The following WDCP variants were observed in gnomAD, a reference collection of about 807,000 sequenced individuals.
WDCP encodes the protein WD repeat and coiled coil containing, also known as WD repeat and coiled-coil-containing protein.
In WDCP, 19 loss-of-function variants were observed where a neutral mutation model predicts 41.6. That is an observed-to-expected ratio of 0.46 (90% CI 0.32 to 0.67). The LOEUF is 0.67. Ranked by LOEUF, WDCP falls within the 30% of genes least tolerant of loss-of-function variation. The pLI, the probability that WDCP is intolerant of heterozygous loss-of-function variation, is 0.04. For missense variants in WDCP, 802 were observed against 850.7 expected (o/e 0.94, Z 0.71); for synonymous variants, 302 against 320.8 (o/e 0.94, Z 0.63).
intron 1 of WDCP, among the ~76,000 whole-genome samples, chr2:24,045,269 A>T (rs1663575536): frequency 6.6e-6 from 1 of 152,114 alleles, no homozygotes; most frequent in South Asian, 2.1e-4. Context: ...AGCTTGAGAA[A>T]CTGCTGAACC....
chr2:24,037,649 A>G lies in WDCP; in HGVS notation c.1818+28T>C, dbSNP rs1284592869. ...ACCGGCTGCAGGAGCTTTTATGTAT[A>G]GTGGTAGTTCCTCAAAGGAGAATTT... is the stretch of plus-strand genomic sequence containing the variant. On this transcript the variant is annotated intron_variant, in intron 2 of 3. Coordinates refer to ENST00000295148, the MANE Select transcript of WDCP (RefSeq NM_025203.3). 3 of 1,577,502 alleles carry G rather than the reference A, an allele frequency of 1.9e-6. No homozygotes were observed. In the African/African-American group the frequency reaches 4.1e-5, roughly 21 times the overall value.
In WDCP at chr2:24,032,894, T is replaced by A; in HGVS notation, c.1871A>T (p.Asp624Val). 3 of 1,613,978 alleles carry A rather than the reference T, an allele frequency of 1.9e-6. No homozygotes were observed. The highest frequency in any genetic ancestry group is 2.5e-6 in the Non-Finnish European group (3 of 1,179,882). ...AACTGTACTGAGCCTTAGTTTACCA[T>A]CACAGAGAAGCACCGCTCTTTTTTC... Reference protein sequence around the residue: ...VVEKRAVLLCDGKLRLSTVQQ... With the variant: ...VVEKRAVLLCVGKLRLSTVQQ... Residue 624 changes from aspartate to valine, a missense_variant, in exon 3 of 4, where the codon GAT becomes GTT. Physicochemically the swap from Asp to Val is radical, Grantham distance 152. This residue lies in a region of WDCP where 321 missense variants were observed against 305.1 expected (regional missense o/e 1.05). Transcript: ENST00000295148.
chr2:24,033,227 T>C (rs1454854241), intron 2 of WDCP: 4 of 530,292 alleles, frequency 7.5e-6, no homozygotes, highest in Admixed American at 4.6e-5. Context: ...AAAAGGATGA[T>C]GGACAGCAGC....
At position 24,031,123 on chromosome 2, in the gene WDCP, A is replaced by T; in HGVS notation, c.1976T>A (p.Phe659Tyr). 1 of 1,614,168 alleles carries T rather than the reference A, an allele frequency of 6.2e-7. No individual in the cohort carries two copies. The highest frequency in any genetic ancestry group is 8.5e-7 in the Non-Finnish European group (1 of 1,180,012). The change falls in exon 4 of 4, where the codon TTT (phenylalanine) becomes TAT (tyrosine). Residue 659 changes from phenylalanine (F) to tyrosine (Y), a missense_variant. Phe to Tyr is a conservative substitution (Grantham distance 22, BLOSUM62 3). Coordinates refer to ENST00000295148, the MANE Select transcript of WDCP (RefSeq NM_025203.3). ...TGTGGCTGTGAAGGTTAACGGGATA[A>T]AGCCCTCACTGTCAGCAGAGAGAAG... ...WILLSADSEGFIPLTFTATQE... is the reference protein window; with the variant it reads ...WILLSADSEGYIPLTFTATQE...
chr2:24,038,499 T>C lies in WDCP; in HGVS notation c.996A>G (p.Arg332=). The change falls in exon 2 of 4, where the codon AGA becomes AGG. Residue 332 remains arginine (R), a synonymous_variant. Coordinates refer to ENST00000295148, the MANE Select transcript of WDCP (RefSeq NM_025203.3). ...VTFKKAVTMT[R]KVTIPGILVP... is the part of the protein sequence containing the mutation. Reference sequence around the variant, plus strand: ...CCAGAATGCCTGGAATAGTGACTTTTCTCGTCATGGTAACTGCCTTCTTAA... The same window carrying C: ...CCAGAATGCCTGGAATAGTGACTTTCCTCGTCATGGTAACTGCCTTCTTAA... The C allele has an allele frequency of 6.2e-7, 1 of 1,614,258 alleles. No individual in the cohort carries two copies. The highest frequency in any genetic ancestry group is 8.5e-7 in the Non-Finnish European group (1 of 1,180,056).
chr2:24,034,803 G>A (rs139396897), intron 2 of WDCP, among the ~76,000 whole-genome samples: 7,373 of 151,994 alleles, frequency 0.049, 238 homozygotes, highest in Middle Eastern at 0.078. Flanking sequence ...TCGAACTCCT[G>A]GACTCAAGTG....
chr2:24,041,036 C>G (rs1189644295), intron 1 of WDCP, among the ~76,000 whole-genome samples: 1 of 151,514 alleles, frequency 6.6e-6, no homozygotes, highest in Non-Finnish European at 1.5e-5. Flanking sequence ...ACAACAACAA[C>G]AAAAAACAAG....
At chr2:24,039,743 C>T (rs1663366474) in intron 1 of WDCP, among the ~76,000 whole-genome samples, 1 of 151,990 alleles carries the variant, frequency 6.6e-6, no homozygotes, top group African/African-American at 2.4e-5. Context: ...ATTTTTAGAA[C>T]TGGGGAAATC....
At chr2:24,040,219 G>T (rs1663386157) in intron 1 of WDCP, among the ~76,000 whole-genome samples, 1 of 152,104 alleles carries the variant, frequency 6.6e-6, no homozygotes, top group Admixed American at 6.6e-5. Context: ...CCTACAATGT[G>T]CTTTCAAATG....
chr2:24,030,842 TGGGAGTCTCATTGGCGAG>T lies in WDCP; in HGVS notation c.*73_*90del. ...TGGCAAGCGCTTCGCCTGAGTGCAG[TGGGAGTCTCATTGGCGAG>T]TGTCCAGTGTCAAGCAGGCCTTGTT... On this transcript the variant is annotated 3_prime_UTR_variant, in exon 4 of 4. Coordinates refer to ENST00000295148, the MANE Select transcript of WDCP (RefSeq NM_025203.3). 1 of 987,160 alleles carries T rather than the reference TGGGAGTCTCATTGGCGAG, an allele frequency of 1.0e-6. No individual in the cohort carries two copies. The allele number at this position is 987,160 out of a possible 1,614,324, so 61.2% of individuals were successfully genotyped here. A position where few individuals can be genotyped will look rare whatever the true frequency, so the allele number is the denominator to read the frequency against.
intron 1 of WDCP, among the ~76,000 whole-genome samples, chr2:24,043,949 G>A (rs770669856): frequency 7.9e-5 from 12 of 151,896 alleles, no homozygotes; most frequent in South Asian, 2.1e-4. Flanking sequence ...GTTCTGCAGC[G>A]GCTTGCTAAA....
At chr2:24,032,034 T>A (rs1027397605) in intron 3 of WDCP, among the ~76,000 whole-genome samples, 1 of 152,206 alleles carries the variant, frequency 6.6e-6, no homozygotes, top group Admixed American at 6.5e-5. Context: ...TTTCCATATG[T>A]TTTGGCACCT....
intron 1 of WDCP, among the ~76,000 whole-genome samples, chr2:24,042,582 G>A (rs1663479703): frequency 6.7e-6 from 1 of 150,340 alleles, no homozygotes; most frequent in Admixed American, 6.6e-5. Flanking sequence ...GGTGGCGCAT[G>A]CCTGTAATCC....
chr2:24,037,574 A>G, intron 2 of WDCP, 103 bp downstream of exon 2: 6 of 1,281,492 alleles, frequency 4.7e-6, no homozygotes, highest in Non-Finnish European at 5.3e-6. Context: ...AGCTTAGTGA[A>G]GCTCAGTTAG....
chr2:24,038,994 A>T lies in WDCP; in HGVS notation c.501T>A (p.Asp167Glu). 1 of 1,614,208 alleles carries T rather than the reference A, an allele frequency of 6.2e-7. No individual in the cohort carries two copies. Residue 167 changes from aspartate to glutamate, a missense_variant, in exon 2 of 4, where the codon GAT becomes GAA. This residue lies in a region of WDCP where 214 missense variants were observed against 252.9 expected (regional missense o/e 0.85). Transcript: ENST00000295148. ...GRIHCACWTQ[D>E]GLRLVVAVGS... Reference sequence around the variant, plus strand: ...CTACTGCCACCACCAGCCTCAGGCCATCCTGGGTCCAACATGCACAGTGAA... The same window carrying T: ...CTACTGCCACCACCAGCCTCAGGCCTTCCTGGGTCCAACATGCACAGTGAA...
chr2:24,038,090 G>T lies in WDCP; in HGVS notation c.1405C>A (p.Pro469Thr). ...CCTTTGTTTTGGTGACAAAAATCTG[G>T]GGAAAGACTTTCAATTAACTTTTTT... ...NRKKLIESLSPDFCHQNKGLL... is the reference protein window; with the variant it reads ...NRKKLIESLSTDFCHQNKGLL... Residue 469 changes from proline (P) to threonine (T), a missense_variant, in exon 2 of 4, where the codon CCA (proline) becomes ACA (threonine). Physicochemically the swap from Pro to Thr is conservative, Grantham distance 38 (BLOSUM62 -1). This residue lies in a region of WDCP where 321 missense variants were observed against 305.1 expected (regional missense o/e 1.05). Coordinates refer to ENST00000295148, the MANE Select transcript of WDCP (RefSeq NM_025203.3). 1 of 1,614,114 alleles carries T rather than the reference G, an allele frequency of 6.2e-7. No individual in the cohort carries two copies. Among genetic ancestry groups the T allele is most frequent in the South Asian group, 1.1e-5 (1 of 91,070 alleles).
intron 2 of WDCP, among the ~76,000 whole-genome samples, chr2:24,035,846 A>G (rs190624013): frequency 0.02 from 3,046 of 151,926 alleles, 311 homozygotes; most frequent in Admixed American, 0.17. Context: ...CAAGGCGGGC[A>G]GATCACAAGG....
chr2:24,042,798 C>T (rs889573593), intron 1 of WDCP, among the ~76,000 whole-genome samples: 19 of 151,962 alleles, frequency 1.3e-4, no homozygotes, highest in Non-Finnish European at 2.1e-4. Flanking sequence ...TTTGGGAGGC[C>T]GAGGCGGGCA....
At position 24,032,854 on chromosome 2, in the gene WDCP, G is replaced by A. The variant is rs767053037; in HGVS notation, c.1911C>T (p.Gly637=). Residue 637 remains glycine, a synonymous_variant, in exon 3 of 4, where the codon GGC becomes GGT. Coordinates refer to ENST00000295148, the MANE Select transcript of WDCP (RefSeq NM_025203.3). The part of the protein sequence containing the change: ...LRLSTVQQTF[G]LSLIEMLHDS... ...CATGTAGCATTTCAATGAGAGAAAG[G>A]CCAAAAGTCTGCTGAACTGTACTGA... 1 of 1,612,430 alleles carries A rather than the reference G, an allele frequency of 6.2e-7. No individual in the cohort carries two copies. The highest frequency in any genetic ancestry group is 8.5e-7 in the Non-Finnish European group (1 of 1,178,594).
Sources: allele counts gnomAD v4.1 joint callset (sites outside exome capture counted in the v4.1 genomes callset), GRCh38; gene constraint gnomAD v4.1.1; regional missense constraint gnomAD v4.1.1; transcripts MANE v1.5; gene names NCBI Gene and HGNC (gene_info 2026-07-23, HGNC 2026-07-21).